The following SLC12A2 variants were observed in gnomAD, a reference collection of about 807,000 sequenced individuals.
The protein encoded by SLC12A2 is solute carrier family 12 member 2.
A neutral mutation model predicts 136.3 loss-of-function variants in SLC12A2; 67 were observed. The observed-to-expected ratio is 0.49, with a 90% CI of 0.40 to 0.60. The LOEUF (loss-of-function observed/expected upper bound fraction) is 0.60. Ranked by LOEUF, SLC12A2 falls within the 20% of genes least tolerant of loss-of-function variation. SLC12A2 has a pLI of 0.00. For synonymous variants in SLC12A2, 619 were observed against 562.9 expected, an observed-to-expected ratio of 1.10 and a Z score of -1.41; for missense variants, 1,322 against 1,534.7, an observed-to-expected ratio of 0.86 and a Z score of 2.32.
At chr5:128,130,522 A>C (rs1466807264) in intron 4 of SLC12A2, among the ~76,000 whole-genome samples, 2 of 150,586 alleles carry the variant, frequency 1.3e-5, no homozygotes, top group African/African-American at 4.9e-5. Flanking sequence ...CTCAAAAAAA[A>C]AAAAAAAAAA....
At position 128,161,732 on chromosome 5, in the gene SLC12A2, A is replaced by C; in HGVS notation, c.2548A>C (p.Lys850Gln). ...AKYQRWLIKNKMKAFYAPVHA... is the reference protein window; with the variant it reads ...AKYQRWLIKNQMKAFYAPVHA... The stretch of plus-strand genomic sequence containing the variant: ...ATATCAGCGATGGCTTATTAAGAAC[A>C]AAATGAAGGCATTTTATGCTCCAGT... The change falls in exon 17 of 27, where the codon AAA becomes CAA. Residue 850 changes from lysine (K) to glutamine (Q), a missense_variant. Lys to Gln is a moderately conservative substitution (Grantham distance 53). Coordinates refer to ENST00000262461, the MANE Select transcript of SLC12A2 (RefSeq NM_001046.3). 6.5e-7 allele frequency: 1 copy of C among 1,537,246 alleles called. No individual in the cohort carries two copies.
chr5:128,166,908 T>C (rs1763222899), intron 17 of SLC12A2, among the ~76,000 whole-genome samples: 1 of 151,962 alleles, frequency 6.6e-6, no homozygotes, highest in Non-Finnish European at 1.5e-5. Context: ...TTAGATTGAG[T>C]GAATTTTGGG....
chr5:128,132,867 A>G lies in SLC12A2; in HGVS notation c.1189-1298A>G, dbSNP rs563715009. On this transcript the variant is annotated intron_variant, in intron 5 of 26. Coordinates refer to ENST00000262461, the MANE Select transcript of SLC12A2 (RefSeq NM_001046.3). Reference sequence around the variant, plus strand: ...ATAGTCAAAGTTTAAGGTTTACTCTATGAAGTCTTATCAAAGTATTTAATT... The same window carrying G: ...ATAGTCAAAGTTTAAGGTTTACTCTGTGAAGTCTTATCAAAGTATTTAATT... 6.6e-5 allele frequency among the ~76,000 whole-genome samples: 10 copies of G among 152,158 alleles called. 1 individual carries two copies. In the South Asian group the frequency reaches 1.2e-3, roughly 19 times the overall value.
chr5:128,183,131 T>C (rs560878069), intron 24 of SLC12A2, among the ~76,000 whole-genome samples, 190 bp downstream of exon 24: 25 of 152,206 alleles, frequency 1.6e-4, no homozygotes, highest in Non-Finnish European at 3.1e-4. Flanking sequence ...TTTTCAATAT[T>C]CAGAGAGGAT....
chr5:128,126,588 A>G lies in SLC12A2; in HGVS notation c.1049-4479A>G, dbSNP rs371676505. 6.6e-5 allele frequency among the ~76,000 whole-genome samples: 10 copies of G among 152,284 alleles called. No individual in the cohort carries two copies. The East Asian group carries it at 1.9e-3, about 29-fold the overall frequency. On this transcript the variant is annotated intron_variant, in intron 4 of 26. Transcript: ENST00000262461. ...GCTGCACTCCCATGTTTGTTGCAGC[A>G]CTGTTCACAATAGCCAAGATTTGTC...
chr5:128,087,710 G>A (rs1272082119), intron 1 of SLC12A2, among the ~76,000 whole-genome samples: 2 of 152,210 alleles, frequency 1.3e-5, no homozygotes, highest in African/African-American at 4.8e-5. Context: ...GGCTCTGGGT[G>A]GAGAATGGAT....
At chr5:128,110,436 T>G in intron 1 of SLC12A2, 1 of 1,160,062 alleles carries the variant, frequency 8.6e-7, no homozygotes, top group East Asian at 2.3e-5. Context: ...CAAAGGAGAC[T>G]TGAGCTGGTT....
At chr5:128,179,948 CTTTTTTTTTTTTTTTTT>C (rs70997365) in intron 22 of SLC12A2, among the ~76,000 whole-genome samples, 4 of 50,478 alleles carry the variant, frequency 7.9e-5, no homozygotes, top group African/African-American at 2.1e-4. Flanking sequence ...CCAATCGTTC[CTTTTTTTTTTTTTTTTT>C]TTTTTTTTTT....
rs1313805016 is a variant in SLC12A2 at position 128,189,124 on chromosome 5, A to T, written c.*2493A>T. The T allele has an allele frequency of 6.6e-6, 1 of 152,304 alleles. No homozygotes were observed. Among genetic ancestry groups the T allele is most frequent in the Non-Finnish European group, 1.5e-5 (1 of 68,028 alleles). The allele number at this position is 152,304 out of a possible 1,614,324, so 9.4% of individuals were successfully genotyped here. On this transcript the variant is annotated 3_prime_UTR_variant, in exon 27 of 27. Transcript: ENST00000262461. ...TAAAAAAAATGCATTACTTTCACTT[A>T]ACACTAGACACCAGGTCGAAAATTT...
chr5:128,158,189 T>G, intron 16 of SLC12A2, 25 bp downstream of exon 16: 1 of 1,558,168 alleles, frequency 6.4e-7, no homozygotes, highest in Non-Finnish European at 8.8e-7. Flanking sequence ...TGTTTTCTTT[T>G]TCAAGTTTTT....
intron 1 of SLC12A2, among the ~76,000 whole-genome samples, chr5:128,105,791 C>CTAATA (rs1326590084): frequency 6.6e-6 from 1 of 152,148 alleles, no homozygotes; most frequent in Admixed American, 6.5e-5. Context: ...CTATTTTCTA[C>CTAATA]ATACTCAGAA....
intron 12 of SLC12A2, among the ~76,000 whole-genome samples, chr5:128,149,341 A>C (rs1762625277): frequency 6.6e-6 from 1 of 151,838 alleles, no homozygotes; most frequent in Non-Finnish European, 1.5e-5. Context: ...TGTGGAAACT[A>C]ATTCTCATGT....
intron 12 of SLC12A2, 53 bp from the exon 13 acceptor site, chr5:128,149,944 A>T (rs1274942056): frequency 4.2e-6 from 5 of 1,201,302 alleles, no homozygotes; most frequent in Non-Finnish European, 6.1e-6. Flanking sequence ...TCATAATTTT[A>T]AAAAGTTAAA....
chr5:128,130,233 G>A (rs2126695795), intron 4 of SLC12A2, among the ~76,000 whole-genome samples: 1 of 152,178 alleles, frequency 6.6e-6, no homozygotes, highest in South Asian at 2.1e-4. Context: ...CCAACATGGT[G>A]AAACTCTGTC....
intron 9 of SLC12A2, 98 bp from the exon 10 acceptor site, chr5:128,141,732 C>T (rs1431657724): frequency 3.3e-6 from 3 of 917,102 alleles, no homozygotes; most frequent in South Asian, 4.5e-5. Flanking sequence ...GATATGTAGT[C>T]ACTACTTTGG....
chr5:128,159,122 G>A (rs1762954154), intron 16 of SLC12A2, among the ~76,000 whole-genome samples: 1 of 151,584 alleles, frequency 6.6e-6, no homozygotes, highest in African/African-American at 2.4e-5. Flanking sequence ...TTCATTATGA[G>A]TAGATTTTAA....
chr5:128,144,061 A>G (rs538140266), intron 10 of SLC12A2, among the ~76,000 whole-genome samples: 43 of 152,164 alleles, frequency 2.8e-4, no homozygotes, highest in African/African-American at 1.0e-3. Flanking sequence ...GAAAGAAAGT[A>G]TTCATGTCCA....
intron 14 of SLC12A2, among the ~76,000 whole-genome samples, chr5:128,151,821 C>T (rs937074431): frequency 1.3e-5 from 2 of 152,020 alleles, no homozygotes; most frequent in African/African-American, 4.8e-5. Context: ...GGAGTGAGTA[C>T]CATGGAGTTA....
In SLC12A2 at chr5:128,138,673, T is replaced by C. The variant is rs773890294; in HGVS notation, c.1485T>C (p.Phe495=). ...ETFFSVFAIF[F]PAATGILAGA... ...TCTTTTCTGTATTTGCCATCTTTTT[T>C]CCTGCTGCAACTGGTATTCTGGCTG... Residue 495 remains phenylalanine, a synonymous_variant, in exon 8 of 27, where the codon TTT becomes TTC. Coordinates refer to ENST00000262461, the MANE Select transcript of SLC12A2 (RefSeq NM_001046.3). 1.9e-6 allele frequency: 3 copies of C among 1,613,968 alleles called. No individual in the cohort carries two copies. The highest frequency in any genetic ancestry group is 1.1e-5 in the South Asian group (1 of 91,070).
Sources: gnomAD v4.1 joint callset for allele counts (sites outside exome capture counted in the v4.1 genomes callset) on GRCh38, gnomAD v4.1.1 for gene constraint, MANE v1.5 for transcripts, NCBI Gene and HGNC (gene_info 2026-07-23, HGNC 2026-07-21) for gene names.